Variants in MAPK3 observed in about 807,000 individuals in gnomAD.
The protein encoded by MAPK3 is MAPK 1.
A neutral mutation model predicts 41.8 loss-of-function variants in MAPK3; 30 were observed. The ratio of observed to expected loss-of-function variants is 0.72; its 90% CI spans 0.54 to 0.97. The LOEUF (loss-of-function observed/expected upper bound fraction) is 0.97. Ranked by LOEUF, MAPK3 falls within the 50% of genes least tolerant of loss-of-function variation. The pLI is 0.00. For synonymous variants in MAPK3, 222 were observed against 213.4 expected, an observed-to-expected ratio of 1.04 and a Z score of -0.35; for missense variants, 413 against 509.9, an observed-to-expected ratio of 0.81 and a Z score of 1.83.
intron 2 of MAPK3, among the ~76,000 whole-genome samples, chr16:30,120,437 G>A (rs2073004716): frequency 6.6e-6 from 1 of 152,138 alleles, no homozygotes; most frequent in African/African-American, 2.4e-5. Flanking sequence ...AGAAGTGACA[G>A]GTGTCATAAG....
chr16:30,116,532 G>C (rs1319286637), intron 8 of MAPK3, 104 bp downstream of exon 8: 1 of 1,283,598 alleles, frequency 7.8e-7, no homozygotes, highest in African/African-American at 1.5e-5. Context: ...TGTGGGGTAA[G>C]CTTGCTGCTG....
Position 30,115,567 on chromosome 16 carries a change from A to C in MAPK3, c.*33-859T>G, listed in dbSNP as rs555257123. 1.6e-3 allele frequency: 249 copies of C among 152,540 alleles called. 1 individual carries two copies. The highest frequency in any genetic ancestry group is 2.0e-3 in the Non-Finnish European group (133 of 68,126). The allele number at this position is 152,540 out of a possible 1,614,324, so 9.4% of individuals were successfully genotyped here. A position where few individuals can be genotyped will look rare whatever the true frequency, so the allele number is the denominator to read the frequency against. On this transcript the variant is annotated intron_variant, in intron 8 of 8. Transcript: ENST00000263025. ...GGCCCCACCTGCTTCTGCCACACCC[A>C]GAGCTGAAGCTTGGCTCAGGTCCTC...
At chr16:30,118,247 G>A (rs959241588) in intron 3 of MAPK3, 84 bp from the exon 4 acceptor site, 101 of 1,565,962 alleles carry the variant, frequency 6.4e-5, no homozygotes, top group Non-Finnish European at 8.5e-5. Context: ...TGCCTCCACT[G>A]TTCCCTTTGC....
chr16:30,116,056 CTTT>C (rs542597048), intron 8 of MAPK3: 3 of 120,216 alleles, frequency 2.5e-5, no homozygotes, highest in Non-Finnish European at 1.7e-5. Flanking sequence ...GTGCCCAGCC[CTTT>C]TTTTTTTTTT....
In MAPK3 at chr16:30,114,166, C is replaced by A. The variant is rs938898938; in HGVS notation, c.*575G>T. 1 of 152,198 alleles carries A rather than the reference C, an allele frequency of 6.6e-6. No individual in the cohort carries two copies. The highest frequency in any genetic ancestry group is 1.5e-5 in the Non-Finnish European group (1 of 68,056). The allele number at this position is 152,198 out of a possible 1,614,324, so 9.4% of individuals were successfully genotyped here. ...CGGGTCAGGGAGGTGGCAGGGGCGCCGGGCTCTCCACGCCCCCCAGCTCCA... is the reference window on the plus strand; with the variant it reads ...CGGGTCAGGGAGGTGGCAGGGGCGCAGGGCTCTCCACGCCCCCCAGCTCCA... On this transcript the variant is annotated 3_prime_UTR_variant, in exon 9 of 9. Transcript: ENST00000263025.
chr16:30,118,499 C>G lies in MAPK3; in HGVS notation c.393G>C (p.Lys131Asn). The G allele has an allele frequency of 6.2e-7, 1 of 1,613,936 alleles. No homozygotes were observed. Among genetic ancestry groups the G allele is most frequent in the Non-Finnish European group, 8.5e-7 (1 of 1,179,956 alleles). The part of the protein sequence containing the change: ...VQDLMETDLY[K>N]LLKSQQLSND... ...TGCTCAGCTGCTGGCTTTTCAGCAA[C>G]TTGTACAGGTCAGTCTCCATCAGGT... Residue 131 changes from lysine to asparagine, a missense_variant, in exon 3 of 9, where the codon AAG becomes AAC. By Grantham distance (94) the Lys-to-Asn change is moderately conservative. Transcript: ENST00000263025.
At chr16:30,117,035 G>A in intron 6 of MAPK3, 32 bp from the exon 7 acceptor site, 5 of 1,593,044 alleles carry the variant, frequency 3.1e-6, no homozygotes, top group Middle Eastern at 1.7e-4. Flanking sequence ...GGGTCACAGG[G>A]AAGACTGGAG....
chr16:30,122,932 CGGGACGCTCCGCGTCTCCACG>C, intron 1 of MAPK3, 87 bp downstream of exon 1: 1 of 1,057,034 alleles, frequency 9.5e-7, no homozygotes, highest in Non-Finnish European at 1.3e-6. Context: ...CCTGCCTCCT[CGGGACGCTCCGCGTCTCCACG>C]TCCCGGAAAG....
chr16:30,122,184 G>A, intron 1 of MAPK3, 178 bp from the exon 2 acceptor site: 2 of 639,216 alleles, frequency 3.1e-6, no homozygotes, highest in Non-Finnish European at 5.4e-6. Context: ...AGAAAGCTGG[G>A]GACCAGCCAG....
At chr16:30,117,925 CAG>C in intron 4 of MAPK3, 120 bp downstream of exon 4, 1 of 1,116,990 alleles carries the variant, frequency 9.0e-7, no homozygotes, top group Non-Finnish European at 1.3e-6. Context: ...AGCTTCCTTG[CAG>C]AGCCCAAGGC....
intron 2 of MAPK3, 22 bp downstream of exon 2, chr16:30,121,802 G>C (rs753350902): frequency 1.2e-6 from 2 of 1,607,794 alleles, no homozygotes; most frequent in African/African-American, 1.3e-5. Flanking sequence ...CTGACCAGCC[G>C]ACTGGCCAAG....
intron 2 of MAPK3, among the ~76,000 whole-genome samples, chr16:30,121,423 C>T (rs769842569): frequency 6.6e-6 from 1 of 152,158 alleles, no homozygotes; most frequent in Non-Finnish European, 1.5e-5. Context: ...AGTTTTCTTT[C>T]TCCCTGTCTC....
chr16:30,121,706 T>C, intron 2 of MAPK3, 118 bp downstream of exon 2: 1 of 1,109,654 alleles, frequency 9.0e-7, no homozygotes, highest in Middle Eastern at 2.3e-4. Context: ...GGAAAGTTTA[T>C]TTTACTGGGT....
At chr16:30,122,851 A>G in intron 1 of MAPK3, 189 bp downstream of exon 1, 1 of 479,440 alleles carries the variant, frequency 2.1e-6, no homozygotes, top group Non-Finnish European at 3.7e-6. Context: ...CTGAGGACGT[A>G]GGCAGCGCCC....
At position 30,117,788 on chromosome 16, in the gene MAPK3, G is replaced by C. The variant is rs760084481; in HGVS notation, c.661-4C>G. 1.2e-6 allele frequency: 2 copies of C among 1,608,092 alleles called. No individual in the cohort carries two copies. The highest frequency in any genetic ancestry group is 1.7e-6 in the Non-Finnish European group (2 of 1,174,752). On this transcript the variant is annotated splice_polypyrimidine_tract_variant and splice_region_variant and intron_variant, in intron 4 of 8. Transcript: ENST00000263025. ...TGTCGATGGACTTGGTATAGCCCTG[G>C]GGGAGAGGAGGAAGTGGTGAGCTCC... is the stretch of plus-strand genomic sequence containing the variant.
chr16:30,123,045 C>T lies in MAPK3; in HGVS notation c.165G>A (p.Met55Ile). The T allele has an allele frequency of 6.4e-7, 1 of 1,559,914 alleles. No homozygotes were observed. Among genetic ancestry groups the T allele is most frequent in the Non-Finnish European group, 8.7e-7 (1 of 1,153,978 alleles). Residue 55 changes from methionine to isoleucine, a missense_variant, in exon 1 of 9, where the codon ATG becomes ATA. Around this residue, in one of 4 missense-constraint regions of MAPK3, gnomAD observed 145 missense variants for 133.0 expected, o/e 1.09. Coordinates refer to ENST00000263025, the MANE Select transcript of MAPK3 (RefSeq NM_002746.3). ...LQYIGEGAYGMVSSAYDHVRK... is the reference protein window; with the variant it reads ...LQYIGEGAYGIVSSAYDHVRK... ...CCCCCGGAACGCCCCCTCACCTGACCATGCCGTACGCGCCCTCGCCGATGT... is the reference window on the plus strand; with the variant it reads ...CCCCCGGAACGCCCCCTCACCTGACTATGCCGTACGCGCCCTCGCCGATGT...
intron 2 of MAPK3, 37 bp downstream of exon 2, chr16:30,121,787 C>G (rs767201738): frequency 6.3e-7 from 1 of 1,598,742 alleles, no homozygotes; most frequent in Non-Finnish European, 8.5e-7. Context: ...GCTGCGAGGC[C>G]GTGCCTGACC....
intron 8 of MAPK3, chr16:30,116,056 CTT>C (rs542597048): frequency 5.0e-5 from 6 of 120,192 alleles, no homozygotes; most frequent in Non-Finnish European, 6.7e-5. Flanking sequence ...GTGCCCAGCC[CTT>C]TTTTTTTTTT....
chr16:30,117,951 T>G lies in MAPK3; in HGVS notation c.660+96A>C. 2.4e-6 allele frequency: 3 copies of G among 1,226,166 alleles called. No individual in the cohort carries two copies. In the Admixed American group the frequency reaches 5.5e-5, roughly 22 times the overall value. The allele number at this position is 1,226,166 out of a possible 1,614,324, so 76.0% of individuals were successfully genotyped here. On this transcript the variant is annotated intron_variant, in intron 4 of 8. Coordinates refer to ENST00000263025, the MANE Select transcript of MAPK3 (RefSeq NM_002746.3). ...AGAGCCCAAGGCCCAGAGGGTAGAA[T>G]TCCTGTGTCATGGGGGTCAGTGTCT...
Sources: allele counts gnomAD v4.1 joint callset (sites outside exome capture counted in the v4.1 genomes callset), GRCh38; gene constraint gnomAD v4.1.1; regional missense constraint gnomAD v4.1.1; transcripts MANE v1.5; gene names NCBI Gene and HGNC (gene_info 2026-07-23, HGNC 2026-07-21).